Variants in SEMA6D observed in about 807,000 individuals in gnomAD.
SEMA6D encodes semaphorin 6D.
In SEMA6D, 35 loss-of-function variants were observed where a neutral mutation model predicts 106.6. The ratio of observed to expected loss-of-function variants is 0.33; its 90% confidence interval spans 0.25 to 0.44. The LOEUF (loss-of-function observed/expected upper bound fraction) is 0.44. Ranked by LOEUF, SEMA6D falls within the 20% of genes least tolerant of loss-of-function variation. The probability of loss-of-function intolerance (pLI) is 1.00; values close to 1 mark genes in which losing one functional copy is unlikely to be tolerated. For synonymous variants in SEMA6D, 499 were observed against 487.7 expected (o/e 1.02, Z -0.31); for missense variants, 1,185 against 1,345.9 (o/e 0.88, Z 1.87).
intron 1 of SEMA6D, among the ~76,000 whole-genome samples, chr15:47,263,069 T>C (rs1240600830): frequency 6.6e-6 from 1 of 151,954 alleles, no homozygotes; most frequent in Non-Finnish European, 1.5e-5. Flanking sequence ...TAAAGATAAA[T>C]GTAAAACCCA....
At chr15:47,405,034 C>G (rs2040515280) in intron 1 of SEMA6D, among the ~76,000 whole-genome samples, 1 of 151,994 alleles carries the variant, frequency 6.6e-6, no homozygotes, top group African/African-American at 2.4e-5. Context: ...GGAAATGTCC[C>G]TAGGGGGAGA....
intron 1 of SEMA6D, among the ~76,000 whole-genome samples, chr15:47,364,311 C>T (rs1030897888): frequency 6.6e-6 from 1 of 152,170 alleles, no homozygotes; most frequent in Admixed American, 6.5e-5. Context: ...AATGCATGAG[C>T]AGCAGGAGCT....
intron 1 of SEMA6D, among the ~76,000 whole-genome samples, chr15:47,741,764 C>A (rs536373997): frequency 6.6e-6 from 1 of 152,240 alleles, no homozygotes; most frequent in South Asian, 2.1e-4. Context: ...CAAGCAAAGT[C>A]TCTTCTGTTA....
At chr15:47,414,512 A>G (rs547707005) in intron 2 of SEMA6D, among the ~76,000 whole-genome samples, 1 of 152,204 alleles carries the variant, frequency 6.6e-6, no homozygotes, top group Non-Finnish European at 1.5e-5. Context: ...GCCTCCAAGG[A>G]AGTGGCCTAC....
At chr15:47,211,887 C>G (rs929337286) in intron 1 of SEMA6D, among the ~76,000 whole-genome samples, 4 of 151,780 alleles carry the variant, frequency 2.6e-5, no homozygotes, top group Non-Finnish European at 4.4e-5. Flanking sequence ...ATTAGCTCTC[C>G]TGAAGTTATT....
At chr15:47,257,775 T>A (rs1402669721) in intron 1 of SEMA6D, among the ~76,000 whole-genome samples, 1 of 152,162 alleles carries the variant, frequency 6.6e-6, no homozygotes, top group East Asian at 1.9e-4. Context: ...AGTGGATTGT[T>A]CTATATATGT....
At chr15:47,758,447 G>C (rs898687686) in intron 1 of SEMA6D, among the ~76,000 whole-genome samples, 2 of 152,248 alleles carry the variant, frequency 1.3e-5, no homozygotes, top group African/African-American at 2.4e-5. Context: ...TTGGTTGAGG[G>C]GGGGGTGTTA....
intron 4 of SEMA6D, among the ~76,000 whole-genome samples, chr15:47,607,470 T>C (rs543530938): frequency 2.0e-5 from 3 of 152,352 alleles, no homozygotes; most frequent in South Asian, 2.1e-4. Flanking sequence ...CCTTTCCACC[T>C]ACCTACTATA....
intron 1 of SEMA6D, among the ~76,000 whole-genome samples, chr15:47,208,649 A>G (rs1373511319): frequency 2.0e-5 from 3 of 152,210 alleles, no homozygotes; most frequent in Non-Finnish European, 2.9e-5. Context: ...AATCCCATTA[A>G]TTGTCCATTT....
intron 4 of SEMA6D, among the ~76,000 whole-genome samples, chr15:47,683,548 G>A (rs1033086203): frequency 3.9e-5 from 6 of 152,158 alleles, no homozygotes; most frequent in African/African-American, 1.4e-4. Context: ...AAAACTCAGT[G>A]CTTTTATGTT....
intron 1 of SEMA6D, among the ~76,000 whole-genome samples, chr15:47,309,277 G>A (rs1391452861): frequency 6.6e-6 from 1 of 152,150 alleles, no homozygotes; most frequent in African/African-American, 2.4e-5. Context: ...ATTCTGAGTA[G>A]CGTGATGAAA....
intron 1 of SEMA6D, among the ~76,000 whole-genome samples, chr15:47,277,683 A>G (rs2034892762): frequency 6.6e-6 from 1 of 151,290 alleles, no homozygotes; most frequent in Non-Finnish European, 1.5e-5. Context: ...ACATATGTAT[A>G]CATGTGCCAT....
At chr15:47,560,548 T>G (rs1362600672) in intron 3 of SEMA6D, among the ~76,000 whole-genome samples, 2 of 151,776 alleles carry the variant, frequency 1.3e-5, no homozygotes, top group African/African-American at 4.8e-5. Context: ...TAAAGAAAAA[T>G]GAACAGAACT....
intron 1 of SEMA6D, among the ~76,000 whole-genome samples, chr15:47,350,913 C>T (rs1043070101): frequency 7.2e-5 from 11 of 152,118 alleles, no homozygotes; most frequent in Admixed American, 6.6e-5. Context: ...GTATGACATG[C>T]TGGTTTGCTT....
At chr15:47,297,195 A>G (rs1316380119) in intron 1 of SEMA6D, among the ~76,000 whole-genome samples, 1 of 152,218 alleles carries the variant, frequency 6.6e-6, no homozygotes, top group Non-Finnish European at 1.5e-5. Flanking sequence ...AATATATTTT[A>G]AAATATATAT....
At chr15:47,598,971 T>A (rs1446715110) in intron 3 of SEMA6D, among the ~76,000 whole-genome samples, 1 of 152,088 alleles carries the variant, frequency 6.6e-6, no homozygotes, top group Non-Finnish European at 1.5e-5. Flanking sequence ...GACGTCACTT[T>A]TCATATCATC....
chr15:47,713,434 T>C (rs2146115271), upstream of SEMA6D, among the ~76,000 whole-genome samples: 1 of 152,336 alleles, frequency 6.6e-6, no homozygotes, highest in South Asian at 2.1e-4. Flanking sequence ...CACTTTCATA[T>C]GCAGACTGTT....
At position 47,771,601 on chromosome 15, in the gene SEMA6D, A is replaced by G. The variant is rs761210886; in HGVS notation, c.3038A>G (p.Gln1013Arg). Residue 1013 changes from glutamine (Q) to arginine (R), a missense_variant, in exon 19 of 19, where the codon CAG becomes CGG. By Grantham distance (43) the Gln-to-Arg change is conservative (BLOSUM62 1). Coordinates refer to ENST00000536845, the MANE Select transcript of SEMA6D (RefSeq NM_001358351.3). ...ACTGGGGCGAAGGTGGACTATATTCAGGGAACACCAGTGAGTGTTCATCTG... is the reference window on the plus strand; with the variant it reads ...ACTGGGGCGAAGGTGGACTATATTCGGGGAACACCAGTGAGTGTTCATCTG... Reference protein sequence around the residue: ...TPTGAKVDYIQGTPVSVHLQP... With the variant: ...TPTGAKVDYIRGTPVSVHLQP... 6.2e-7 allele frequency: 1 copy of G among 1,614,134 alleles called. No individual in the cohort carries two copies. The highest frequency in any genetic ancestry group is 8.5e-7 in the Non-Finnish European group (1 of 1,179,976).
intron 4 of SEMA6D, among the ~76,000 whole-genome samples, chr15:47,662,505 C>T (rs2077943645): frequency 6.6e-6 from 1 of 152,092 alleles, no homozygotes; most frequent in Non-Finnish European, 1.5e-5. Context: ...GTTATTAGTT[C>T]ACAAATTTTT....
Sources: gnomAD v4.1 joint callset for allele counts (sites outside exome capture counted in the v4.1 genomes callset) on GRCh38, gnomAD v4.1.1 for gene constraint, MANE v1.5 for transcripts, NCBI Gene and HGNC (gene_info 2026-07-23, HGNC 2026-07-21) for gene names.